The following MTMR7 variants were observed in gnomAD, a reference collection of about 807,000 sequenced individuals.
MTMR7 encodes the protein phosphatidylinositol-3-phosphate phosphatase MTMR7.
In MTMR7, 76 loss-of-function variants were observed where a neutral mutation model predicts 81.2. The observed-to-expected ratio is 0.94, with a 90% CI of 0.78 to 1.13. The LOEUF is 1.13. Among genes scored for constraint, MTMR7 ranks in the 50% most tolerant of loss-of-function variants. The pLI is 0.00. For missense variants in MTMR7, 1,044 were observed against 820.0 expected, an observed-to-expected ratio of 1.27 and a Z score of -3.34; for synonymous variants, 372 against 289.8, an observed-to-expected ratio of 1.28 and a Z score of -2.88.
At chr8:17,314,754 T>G (rs1817974298) in intron 7 of MTMR7, among the ~76,000 whole-genome samples, 1 of 152,182 alleles carries the variant, frequency 6.6e-6, no homozygotes, top group African/African-American at 2.4e-5. Context: ...TCCAAAATCT[T>G]CCTTCCAAAT....
At chr8:17,367,768 G>C (rs1189124485) in intron 3 of MTMR7, among the ~76,000 whole-genome samples, 1 of 151,846 alleles carries the variant, frequency 6.6e-6, no homozygotes, top group Non-Finnish European at 1.5e-5. Flanking sequence ...AGTTACACCG[G>C]TTCTAAAACA....
intron 1 of MTMR7, among the ~76,000 whole-genome samples, chr8:17,384,823 G>C (rs1247385080): frequency 6.6e-6 from 1 of 152,204 alleles, no homozygotes; most frequent in African/African-American, 2.4e-5. Flanking sequence ...TCCAAAAGGA[G>C]TATTTAATCT....
chr8:17,328,111 G>C (rs1406812545), intron 7 of MTMR7, among the ~76,000 whole-genome samples: 1 of 152,114 alleles, frequency 6.6e-6, no homozygotes, highest in Non-Finnish European at 1.5e-5. Context: ...AGCTACTCGT[G>C]GGGAGAAAGT....
At chr8:17,401,682 C>A (rs2106024) in intron 1 of MTMR7, among the ~76,000 whole-genome samples, 90,451 of 151,762 alleles carry the variant, frequency 0.6, 27,319 homozygotes, top group East Asian at 0.76. Flanking sequence ...TTACTATTGG[C>A]ATAGATATGG....
chr8:17,393,789 C>A (rs1268200474), intron 1 of MTMR7, among the ~76,000 whole-genome samples: 1 of 152,178 alleles, frequency 6.6e-6, no homozygotes, highest in African/African-American at 2.4e-5. Context: ...GTACAACAAA[C>A]CACTCTGACA....
chr8:17,324,269 A>C (rs1818555831), intron 7 of MTMR7, among the ~76,000 whole-genome samples: 1 of 152,210 alleles, frequency 6.6e-6, no homozygotes, highest in Non-Finnish European at 1.5e-5. Flanking sequence ...TGAATAGATG[A>C]GCGTCTGCGA....
intron 1 of MTMR7, among the ~76,000 whole-genome samples, chr8:17,407,865 C>T (rs890288318): frequency 6.6e-6 from 1 of 152,300 alleles, no homozygotes; most frequent in South Asian, 2.1e-4. Context: ...ACCCTTGGAG[C>T]TGACAGTATA....
intron 1 of MTMR7, among the ~76,000 whole-genome samples, chr8:17,412,403 T>G (rs1454368123): frequency 6.6e-6 from 1 of 152,208 alleles, no homozygotes; most frequent in African/African-American, 2.4e-5. Context: ...GTGGTGGTAG[T>G]AACAACAGAC....
chr8:17,387,659 T>C (rs1042526390), intron 1 of MTMR7, among the ~76,000 whole-genome samples: 16 of 152,232 alleles, frequency 1.1e-4, no homozygotes, highest in Non-Finnish European at 2.1e-4. Flanking sequence ...TGGGAGGTAC[T>C]TGGGGTACTT....
At chr8:17,387,488 T>A (rs1001030191) in intron 1 of MTMR7, among the ~76,000 whole-genome samples, 1 of 152,198 alleles carries the variant, frequency 6.6e-6, no homozygotes, top group Non-Finnish European at 1.5e-5. Context: ...AATGAATATA[T>A]CTAGACTGTT....
At position 17,379,487 on chromosome 8, in the gene MTMR7, T is replaced by C. The variant is rs1268948411; in HGVS notation, c.25-6247A>G. ...ACACACGGGAAATAAAATGACTCCA[T>C]TAGGCCGGATTGAGAAATACATTTT... On this transcript the variant is annotated intron_variant, in intron 1 of 13. Transcript: ENST00000180173. Among the ~76,000 whole-genome samples, 5 of 152,158 alleles carry C rather than the reference T, an allele frequency of 3.3e-5. 1 individual carries two copies. Among genetic ancestry groups the C allele is most frequent in the Non-Finnish European group, 7.3e-5 (5 of 68,034 alleles).
chr8:17,310,538 T>C, intron 9 of MTMR7, among the ~76,000 whole-genome samples: 1 of 152,130 alleles, frequency 6.6e-6, no homozygotes. Flanking sequence ...ACTGGCAACC[T>C]CTTTACTCTC....
At chr8:17,374,418 C>A (rs1359914820) in intron 1 of MTMR7, among the ~76,000 whole-genome samples, 1 of 151,768 alleles carries the variant, frequency 6.6e-6, no homozygotes, top group African/African-American at 2.4e-5. Context: ...GTAAAGAGAT[C>A]GAGACCATCC....
chr8:17,367,874 T>TG (rs1208811358), intron 3 of MTMR7, among the ~76,000 whole-genome samples: 6 of 151,808 alleles, frequency 4.0e-5, no homozygotes, highest in African/African-American at 1.5e-4. Flanking sequence ...TGGGGTTTTT[T>TG]TTTTTTTTTT....
At chr8:17,371,924 T>C (rs548031133) in intron 2 of MTMR7, among the ~76,000 whole-genome samples, 1 of 150,238 alleles carries the variant, frequency 6.7e-6, no homozygotes, top group South Asian at 2.2e-4. Flanking sequence ...GAAATATACA[T>C]TACTATTGAG....
rs980868123 is a variant in MTMR7 at position 17,363,858 on chromosome 8, T to A, written c.311-2584A>T. ...TTCTGTTCTTTTCGTTCTCTACTTT[T>A]ACCAAATATTTAGCAGAATGTTTAG... is the stretch of plus-strand genomic sequence containing the variant. On this transcript the variant is annotated intron_variant, in intron 3 of 13. Coordinates refer to ENST00000180173, the MANE Select transcript of MTMR7 (RefSeq NM_004686.5). Among the ~76,000 whole-genome samples the A allele has an allele frequency of 2.6e-5, 4 of 151,002 alleles. No homozygotes were observed. The East Asian group carries it at 7.8e-4, about 29-fold the overall frequency.
chr8:17,297,246 T>G lies in MTMR7; in HGVS notation c.*2616A>C, dbSNP rs1030863513. 6.6e-6 allele frequency: 1 copy of G among 152,058 alleles called. No homozygotes were observed. Among genetic ancestry groups the G allele is most frequent in the Non-Finnish European group, 1.5e-5 (1 of 67,952 alleles). 9.4% of individuals were successfully genotyped at this position (152,058 alleles called of 1,614,324 possible). A position where few individuals can be genotyped will look rare whatever the true frequency, so the allele number is the denominator to read the frequency against. Reference sequence around the variant, plus strand: ...TCATAGGTAGAGATTTAAAGGTTAATATCTTAAAATAGAAGAAAATTCTAA... The same window carrying G: ...TCATAGGTAGAGATTTAAAGGTTAAGATCTTAAAATAGAAGAAAATTCTAA... On this transcript the variant is annotated 3_prime_UTR_variant, in exon 14 of 14. Coordinates refer to ENST00000180173, the MANE Select transcript of MTMR7 (RefSeq NM_004686.5).
intron 1 of MTMR7, among the ~76,000 whole-genome samples, chr8:17,394,289 C>G (rs1345167476): frequency 1.3e-5 from 2 of 152,152 alleles, no homozygotes. Context: ...GTAGAAACAA[C>G]TCAAATATCC....
At chr8:17,410,186 T>C (rs1163171906) in intron 1 of MTMR7, among the ~76,000 whole-genome samples, 1 of 151,738 alleles carries the variant, frequency 6.6e-6, no homozygotes, top group Non-Finnish European at 1.5e-5. Context: ...GACTAGGGGG[T>C]AGGTGTACCA....
Sources: allele counts gnomAD v4.1 joint callset (sites outside exome capture counted in the v4.1 genomes callset), GRCh38; gene constraint gnomAD v4.1.1; transcripts MANE v1.5; gene names NCBI Gene and HGNC (gene_info 2026-07-23, HGNC 2026-07-21).